Variants in PTPRR observed in about 807,000 individuals in gnomAD.
PTPRR encodes the protein protein tyrosine phosphatase receptor type R.
PTPRR carries 38 observed loss-of-function variants against 77.2 expected under a neutral mutation model. The ratio of observed to expected loss-of-function variants is 0.49; its 90% CI spans 0.38 to 0.65. The LOEUF is 0.65. Ranked by LOEUF, PTPRR falls within the 30% of genes least tolerant of loss-of-function variation. The pLI, the probability that PTPRR is intolerant of heterozygous loss-of-function variation, is 0.00. For synonymous variants in PTPRR, 299 were observed against 283.1 expected, an observed-to-expected ratio of 1.06 and a Z score of -0.57; for missense variants, 744 against 799.2, an observed-to-expected ratio of 0.93 and a Z score of 0.83.
At chr12:70,840,793 T>C (rs1026721591) in intron 2 of PTPRR, among the ~76,000 whole-genome samples, 2 of 152,112 alleles carry the variant, frequency 1.3e-5, no homozygotes, top group Non-Finnish European at 2.9e-5. Flanking sequence ...AGCACATTAA[T>C]ACATCTCACT....
intron 1 of PTPRR, among the ~76,000 whole-genome samples, chr12:70,912,734 T>G (rs1274180128): frequency 2.0e-5 from 3 of 152,178 alleles, no homozygotes; most frequent in Non-Finnish European, 4.4e-5. Context: ...ATAATATAAA[T>G]TTGCTAATTG....
chr12:70,853,810 T>C (rs1321639884), intron 2 of PTPRR, among the ~76,000 whole-genome samples: 1 of 152,198 alleles, frequency 6.6e-6, no homozygotes, highest in African/African-American at 2.4e-5. Flanking sequence ...TGGTCACATA[T>C]GTTTGTGAAA....
At chr12:70,828,985 G>T (rs1482267915) in intron 2 of PTPRR, among the ~76,000 whole-genome samples, 3 of 152,130 alleles carry the variant, frequency 2.0e-5, no homozygotes, top group Non-Finnish European at 4.4e-5. Flanking sequence ...AATGAGAGAT[G>T]CTTCTTTCAT....
At chr12:70,830,260 G>A (rs1172578110) in intron 2 of PTPRR, among the ~76,000 whole-genome samples, 3 of 152,154 alleles carry the variant, frequency 2.0e-5, no homozygotes, top group Non-Finnish European at 4.4e-5. Context: ...ATTAAGAAAT[G>A]ATCTCAAAGT....
At chr12:70,907,701 G>A (rs2137133289) in intron 1 of PTPRR, among the ~76,000 whole-genome samples, 1 of 152,294 alleles carries the variant, frequency 6.6e-6, no homozygotes, top group South Asian at 2.1e-4. Context: ...TGAGCATTAA[G>A]ACCTTGGGCC....
At chr12:70,672,439 G>A in intron 10 of PTPRR, 1 of 1,086,298 alleles carries the variant, frequency 9.2e-7, no homozygotes, top group East Asian at 2.4e-5. Flanking sequence ...GCACATCAAG[G>A]CCACAGATGC....
At chr12:70,867,654 A>AC (rs1892879359) in intron 2 of PTPRR, among the ~76,000 whole-genome samples, 1 of 152,004 alleles carries the variant, frequency 6.6e-6, no homozygotes, top group East Asian at 1.9e-4. Context: ...TCAAGCTACC[A>AC]ATGACTTTCT....
chr12:70,836,425 C>G (rs1402685680), intron 2 of PTPRR, among the ~76,000 whole-genome samples: 2 of 151,738 alleles, frequency 1.3e-5, no homozygotes, highest in Non-Finnish European at 2.9e-5. Context: ...TTTCTTTACC[C>G]TCTCTGGGAA....
intron 1 of PTPRR, among the ~76,000 whole-genome samples, chr12:70,911,014 C>T (rs1893691351): frequency 6.6e-6 from 1 of 152,164 alleles, no homozygotes; most frequent in African/African-American, 2.4e-5. Flanking sequence ...GTAAAATCAG[C>T]AGCGAGAAGA....
intron 2 of PTPRR, among the ~76,000 whole-genome samples, chr12:70,771,816 G>A (rs1890984633): frequency 6.6e-6 from 1 of 152,150 alleles, no homozygotes; most frequent in Admixed American, 6.6e-5. Flanking sequence ...TCTATACATA[G>A]TGATTTGCTG....
intron 12 of PTPRR, among the ~76,000 whole-genome samples, chr12:70,657,123 G>A (rs533343998): frequency 8.3e-4 from 127 of 152,290 alleles, no homozygotes; most frequent in African/African-American, 3.0e-3. Flanking sequence ...CAGTAGAAAG[G>A]AGGGGGAAGA....
At chr12:70,779,726 A>G (rs995996397) in intron 2 of PTPRR, among the ~76,000 whole-genome samples, 1 of 152,206 alleles carries the variant, frequency 6.6e-6, no homozygotes, top group Non-Finnish European at 1.5e-5. Context: ...GAAGGAACAC[A>G]TGAGTCATGA....
At position 70,743,402 on chromosome 12, in the gene PTPRR, G is replaced by C. The variant is rs561749987; in HGVS notation, c.1007+2416C>G. 2.0e-5 allele frequency among the ~76,000 whole-genome samples: 3 copies of C among 152,266 alleles called. No individual in the cohort carries two copies. In the South Asian group the frequency reaches 6.2e-4, roughly 32 times the overall value. On this transcript the variant is annotated intron_variant, in intron 6 of 13. Coordinates refer to ENST00000283228, the MANE Select transcript of PTPRR (RefSeq NM_002849.4). ...CAGCAAGTACACTCTGTTCTTTTAA[G>C]ACATGTATTTGAGAAAGGAAGGAAA...
chr12:70,659,540 C>G (rs1416310969), intron 12 of PTPRR, among the ~76,000 whole-genome samples: 1 of 151,996 alleles, frequency 6.6e-6, no homozygotes, highest in African/African-American at 2.4e-5. Context: ...AGAAGGGGAG[C>G]TGGTTTTATA....
chr12:70,748,459 A>T (rs1272980556), intron 5 of PTPRR, among the ~76,000 whole-genome samples: 2 of 152,228 alleles, frequency 1.3e-5, no homozygotes, highest in African/African-American at 4.8e-5. Flanking sequence ...AGCTTACCGT[A>T]GCAATGGCAA....
chr12:70,695,881 A>G (rs1332596802), intron 8 of PTPRR, among the ~76,000 whole-genome samples: 1 of 152,210 alleles, frequency 6.6e-6, no homozygotes, highest in Non-Finnish European at 1.5e-5. Context: ...GCAGTTAAAA[A>G]TATGTTATAG....
intron 7 of PTPRR, 30 bp downstream of exon 7, chr12:70,701,107 T>A: frequency 6.2e-7 from 1 of 1,611,786 alleles, no homozygotes; most frequent in Non-Finnish European, 8.5e-7. Context: ...AAATACCGAC[T>A]GAAGAGTGAA....
rs576539958 is a variant in PTPRR at position 70,774,281 on chromosome 12, T to C, written c.358-9503A>G. ...AGGATTTGGAGCCAATTGTCTATGC[T>C]GGGAACCCACAAGCCCCCTCAAGGG... On this transcript the variant is annotated intron_variant, in intron 2 of 13. Transcript: ENST00000283228. Among the ~76,000 whole-genome samples, 179 of 152,290 alleles carry C rather than the reference T, an allele frequency of 1.2e-3. 1 individual carries two copies. The highest frequency in any genetic ancestry group is 4.2e-3 in the African/African-American group (175 of 41,562).
chr12:70,706,664 C>A (rs1057299305), intron 6 of PTPRR, among the ~76,000 whole-genome samples: 1 of 151,854 alleles, frequency 6.6e-6, no homozygotes, highest in Non-Finnish European at 1.5e-5. Context: ...GTGTATAGGA[C>A]AAGGCAAAAT....
Sources: allele counts gnomAD v4.1 joint callset (sites outside exome capture counted in the v4.1 genomes callset), GRCh38; gene constraint gnomAD v4.1.1; transcripts MANE v1.5; gene names NCBI Gene and HGNC (gene_info 2026-07-23, HGNC 2026-07-21).